Variants in FAF1 observed in about 807,000 individuals in gnomAD.
The protein encoded by FAF1 is Fas associated factor 1, also known as FAS-associated factor 1.
A neutral mutation model predicts 92.5 loss-of-function variants in FAF1; 25 were observed. The ratio of observed to expected loss-of-function variants is 0.27; its 90% CI spans 0.20 to 0.38. The LOEUF is 0.38. FAF1 is among the 10% of genes least tolerant of loss of function. The pLI, the probability that FAF1 is intolerant of heterozygous loss-of-function variation, is 1.00. For synonymous variants in FAF1, 234 were observed against 273.2 expected (o/e 0.86, Z 1.42); for missense variants, 636 against 793.3 (o/e 0.80, Z 2.38).
intron 18 of FAF1, among the ~76,000 whole-genome samples, chr1:50,470,006 TG>T (rs1488482809): frequency 6.6e-6 from 1 of 152,230 alleles, no homozygotes; most frequent in Non-Finnish European, 1.5e-5. Flanking sequence ...TGGCTTATTT[TG>T]AGAACAAAGC....
intron 1 of FAF1, among the ~76,000 whole-genome samples, chr1:50,936,762 G>C (rs1215417138): frequency 6.6e-6 from 1 of 152,130 alleles, no homozygotes; most frequent in East Asian, 1.9e-4. Flanking sequence ...GAAAGGAAAA[G>C]GGGACAGGAC....
chr1:50,710,211 A>G (rs1270934884), intron 6 of FAF1, among the ~76,000 whole-genome samples: 1 of 152,156 alleles, frequency 6.6e-6, no homozygotes, highest in African/African-American at 2.4e-5. Context: ...AATTCCTTAG[A>G]TATGTCTCTT....
chr1:50,496,889 C>CAA (rs35287623), intron 15 of FAF1, among the ~76,000 whole-genome samples: 29 of 134,340 alleles, frequency 2.2e-4, no homozygotes, highest in African/African-American at 6.4e-4. Flanking sequence ...AACTCCATCT[C>CAA]AAAAAAAAAA....
At chr1:50,751,264 C>T (rs1659854738) in intron 4 of FAF1, among the ~76,000 whole-genome samples, 1 of 151,840 alleles carries the variant, frequency 6.6e-6, no homozygotes, top group African/African-American at 2.4e-5. Flanking sequence ...ATACTAAATA[C>T]TAAGTATTTC....
chr1:50,782,536 A>C (rs1004504812), intron 4 of FAF1, among the ~76,000 whole-genome samples: 1 of 152,006 alleles, frequency 6.6e-6, no homozygotes, highest in Non-Finnish European at 1.5e-5. Flanking sequence ...AAAATGTCAA[A>C]AAATTTTTTA....
intron 12 of FAF1, among the ~76,000 whole-genome samples, chr1:50,578,128 A>G (rs1439555532): frequency 6.6e-6 from 1 of 152,214 alleles, no homozygotes; most frequent in Non-Finnish European, 1.5e-5. Context: ...TGAGTATATA[A>G]GTTCAAAAAG....
At chr1:50,917,339 G>C (rs1644925349) in intron 1 of FAF1, among the ~76,000 whole-genome samples, 1 of 152,036 alleles carries the variant, frequency 6.6e-6, no homozygotes, top group Non-Finnish European at 1.5e-5. Flanking sequence ...AACTTAAAGA[G>C]GAAGCTGACT....
chr1:50,473,477 T>C (rs1646601256), intron 18 of FAF1, among the ~76,000 whole-genome samples: 1 of 152,194 alleles, frequency 6.6e-6, no homozygotes, highest in African/African-American at 2.4e-5. Context: ...TTAAGTTCTC[T>C]GAGGTGAGAT....
At chr1:50,673,254 C>T (rs1655976676) in intron 7 of FAF1, among the ~76,000 whole-genome samples, 1 of 148,128 alleles carries the variant, frequency 6.8e-6, no homozygotes. Flanking sequence ...GAGACTCTGT[C>T]TCAAAAAAAA....
intron 1 of FAF1, among the ~76,000 whole-genome samples, chr1:50,887,085 G>A (rs1226827228): frequency 6.6e-6 from 1 of 152,196 alleles, no homozygotes; most frequent in Admixed American, 6.5e-5. Flanking sequence ...ACTGGTGTGA[G>A]ATGGTATCTG....
intron 13 of FAF1, among the ~76,000 whole-genome samples, chr1:50,542,614 T>TTAGATG (rs891866697): frequency 2.6e-5 from 4 of 152,136 alleles, no homozygotes; most frequent in Non-Finnish European, 5.9e-5. Context: ...TTCATCAGAG[T>TTAGATG]TAGATGTCAT....
At chr1:50,787,712 G>A (rs1213123659) in intron 4 of FAF1, among the ~76,000 whole-genome samples, 1 of 152,146 alleles carries the variant, frequency 6.6e-6, no homozygotes. Flanking sequence ...CAATGTACTT[G>A]ATTAGGGTAT....
At chr1:50,705,238 G>A (rs1372840341) in intron 7 of FAF1, among the ~76,000 whole-genome samples, 1 of 152,126 alleles carries the variant, frequency 6.6e-6, no homozygotes, top group Admixed American at 6.5e-5. Context: ...TTGAAACAGT[G>A]GCCCTGGTTG....
At chr1:50,879,551 G>A (rs190319089) in intron 1 of FAF1, among the ~76,000 whole-genome samples, 1 of 152,142 alleles carries the variant, frequency 6.6e-6, no homozygotes, top group East Asian at 1.9e-4. Flanking sequence ...AAAGATTCAG[G>A]GGCAGAAAAC....
intron 7 of FAF1, among the ~76,000 whole-genome samples, chr1:50,683,708 G>A (rs1032221664): frequency 1.3e-4 from 20 of 152,076 alleles, no homozygotes; most frequent in Admixed American, 3.3e-4. Context: ...CAAGGCAGGC[G>A]GATCACCTGA....
At chr1:50,818,116 A>C (rs929328465) in intron 2 of FAF1, among the ~76,000 whole-genome samples, 1 of 152,202 alleles carries the variant, frequency 6.6e-6, no homozygotes, top group African/African-American at 2.4e-5. Context: ...AAACTTATCA[A>C]ATTTTACAGT....
At chr1:50,938,155 G>A (rs557505674) in intron 1 of FAF1, among the ~76,000 whole-genome samples, 3 of 152,304 alleles carry the variant, frequency 2.0e-5, no homozygotes, top group Non-Finnish European at 2.9e-5. Context: ...TGTCTGGTTA[G>A]GCAAGCTCAG....
At chr1:50,932,549 G>A (rs896900672) in intron 1 of FAF1, among the ~76,000 whole-genome samples, 65 of 152,338 alleles carry the variant, frequency 4.3e-4, no homozygotes, top group African/African-American at 1.3e-3. Context: ...GCAGCTCCGC[G>A]CCTGTGGCTT....
intron 18 of FAF1, among the ~76,000 whole-genome samples, chr1:50,454,716 A>G (rs79080477): frequency 1.6e-3 from 245 of 152,360 alleles, no homozygotes; most frequent in African/African-American, 5.6e-3. Context: ...CTAAAACAGC[A>G]TTCTTATACT....
Sources: allele counts gnomAD v4.1 joint callset (sites outside exome capture counted in the v4.1 genomes callset), GRCh38; gene constraint gnomAD v4.1.1; transcripts MANE v1.5; gene names NCBI Gene and HGNC (gene_info 2026-07-23, HGNC 2026-07-21).